Variants in CCDC38 observed in about 807,000 individuals in gnomAD.
CCDC38 encodes coiled-coil domain-containing protein 38.
A neutral mutation model predicts 72.8 loss-of-function variants in CCDC38; 69 were observed. The ratio of observed to expected loss-of-function variants is 0.95; its 90% CI spans 0.78 to 1.16. CCDC38 has a LOEUF of 1.16. Among genes scored for constraint, CCDC38 ranks in the 50% most tolerant of loss-of-function variants. The pLI, the probability that CCDC38 is intolerant of heterozygous loss-of-function variation, is 0.00. For missense variants in CCDC38, 626 were observed against 638.9 expected (o/e 0.98, Z 0.22); for synonymous variants, 201 against 213.2 (o/e 0.94, Z 0.50).
chr12:95,910,090 A>G (rs1312253603), intron 4 of CCDC38, among the ~76,000 whole-genome samples: 1 of 152,176 alleles, frequency 6.6e-6, no homozygotes, highest in Non-Finnish European at 1.5e-5. Flanking sequence ...GCATCCAAAT[A>G]GGAAAAGAGG....
chr12:95,910,642 G>A (rs368692783), intron 4 of CCDC38, among the ~76,000 whole-genome samples: 7 of 152,184 alleles, frequency 4.6e-5, no homozygotes, highest in Admixed American at 3.3e-4. Context: ...TGGGAGGATT[G>A]CTTGAGGCCA....
At chr12:95,919,081 A>T (rs879689823) in intron 2 of CCDC38, 105 bp from the exon 3 acceptor site, 127 of 710,500 alleles carry the variant, frequency 1.8e-4, no homozygotes, top group Non-Finnish European at 3.0e-4. Flanking sequence ...GGATGCAGGG[A>T]TCTCTGAGAA....
At chr12:95,867,632 C>T (rs144147894) in intron 15 of CCDC38, among the ~76,000 whole-genome samples, 1 of 152,182 alleles carries the variant, frequency 6.6e-6, no homozygotes, top group African/African-American at 2.4e-5. Context: ...GTCCAGAAAA[C>T]CATGTACCAT....
intron 2 of CCDC38, among the ~76,000 whole-genome samples, chr12:95,924,468 A>G (rs1407135102): frequency 7.2e-6 from 1 of 138,988 alleles, no homozygotes; most frequent in Admixed American, 7.3e-5. Context: ...GGTTGTGAAA[A>G]TTTTCTCCCA....
chr12:95,873,100 G>GT (rs1565941189), intron 13 of CCDC38, among the ~76,000 whole-genome samples: 1 of 151,958 alleles, frequency 6.6e-6, no homozygotes, highest in African/African-American at 2.4e-5. Context: ...ATTTTAAATC[G>GT]TTTTTTTGCC....
chr12:95,877,418 T>C (rs2079647329), intron 13 of CCDC38, among the ~76,000 whole-genome samples: 1 of 152,096 alleles, frequency 6.6e-6, no homozygotes, highest in Non-Finnish European at 1.5e-5. Context: ...ACTGTCTTCC[T>C]CCCCAGTTCA....
At chr12:95,920,556 A>G (rs142360221) in intron 2 of CCDC38, among the ~76,000 whole-genome samples, 1 of 152,240 alleles carries the variant, frequency 6.6e-6, no homozygotes, top group African/African-American at 2.4e-5. Context: ...ATGCTACAAC[A>G]TGGATGAACA....
intron 13 of CCDC38, 78 bp from the exon 14 acceptor site, chr12:95,872,538 A>G: frequency 2.2e-6 from 2 of 912,084 alleles, no homozygotes; most frequent in Non-Finnish European, 3.5e-6. Flanking sequence ...TATTACAGTA[A>G]AATCCCATGT....
intron 5 of CCDC38, among the ~76,000 whole-genome samples, chr12:95,904,914 T>C (rs1830618113): frequency 6.6e-6 from 1 of 152,216 alleles, no homozygotes; most frequent in Non-Finnish European, 1.5e-5. Context: ...AGACTCTTTC[T>C]GGACAAGGCC....
rs1436127 is a variant in CCDC38 at position 95,898,506 on chromosome 12, C to A, written c.534-41G>T. ...GATCTGTTAATTTGCTTCTTAGAAA[C>A]AAACAAACAAACAAACAAACAAAAG... On this transcript the variant is annotated intron_variant, in intron 6 of 15. Transcript: ENST00000344280. The A allele has an allele frequency of 0.018, 28,405 of 1,589,772 alleles. 835 individuals carry two copies. Among genetic ancestry groups the A allele is most frequent in the African/African-American group, 0.11 (7,896 of 74,122 alleles).
chr12:95,899,015 G>A (rs1396130851), intron 5 of CCDC38, among the ~76,000 whole-genome samples: 1 of 152,150 alleles, frequency 6.6e-6, no homozygotes, highest in Non-Finnish European at 1.5e-5. Flanking sequence ...GGTGCATCTG[G>A]TATTACCTAC....
intron 13 of CCDC38, among the ~76,000 whole-genome samples, chr12:95,877,369 T>G (rs1355065415): frequency 6.6e-6 from 1 of 152,136 alleles, no homozygotes; most frequent in Non-Finnish European, 1.5e-5. Context: ...TGGCAATAAT[T>G]TCCAGGCCTT....
At chr12:95,913,286 T>C (rs1565959633) in intron 4 of CCDC38, among the ~76,000 whole-genome samples, 1 of 152,138 alleles carries the variant, frequency 6.6e-6, no homozygotes, top group Non-Finnish European at 1.5e-5. Context: ...CAGATTATGT[T>C]ATTGTTCCCA....
At chr12:95,932,694 A>G (rs766083968) in intron 2 of CCDC38, among the ~76,000 whole-genome samples, 8 of 152,204 alleles carry the variant, frequency 5.3e-5, no homozygotes, top group Non-Finnish European at 8.8e-5. Flanking sequence ...AAAAATGCCA[A>G]TTCTCCACGA....
intron 10 of CCDC38, among the ~76,000 whole-genome samples, chr12:95,887,554 C>T (rs1898178): frequency 6.6e-6 from 1 of 152,054 alleles, no homozygotes; most frequent in Non-Finnish European, 1.5e-5. Flanking sequence ...TGGAATAACA[C>T]AATCATAGAA....
At chr12:95,915,331 G>A (rs2080133449) in intron 4 of CCDC38, among the ~76,000 whole-genome samples, 1 of 152,194 alleles carries the variant, frequency 6.6e-6, no homozygotes, top group Admixed American at 6.5e-5. Flanking sequence ...CAGCTTGAGA[G>A]ATCTGAGGAC....
At chr12:95,919,765 C>G in intron 2 of CCDC38, 1 of 383,394 alleles carries the variant, frequency 2.6e-6, no homozygotes, top group South Asian at 1.9e-5. Flanking sequence ...GCAACAGATA[C>G]AGCCACTACC....
At chr12:95,936,700 A>C (rs998762917) in intron 1 of CCDC38, among the ~76,000 whole-genome samples, 177 bp from the exon 2 acceptor site, 1 of 152,208 alleles carries the variant, frequency 6.6e-6, no homozygotes, top group Middle Eastern at 3.2e-3. Context: ...GAAAATAATC[A>C]GACAAGCAGC....
chr12:95,872,147 C>T, intron 14 of CCDC38, 108 bp downstream of exon 14: 1 of 950,780 alleles, frequency 1.1e-6, no homozygotes, highest in Non-Finnish European at 1.6e-6. Context: ...CATTCCTCCT[C>T]ACTGTGTCCC....
Sources: allele counts gnomAD v4.1 joint callset (sites outside exome capture counted in the v4.1 genomes callset), GRCh38; gene constraint gnomAD v4.1.1; transcripts MANE v1.5; gene names NCBI Gene and HGNC (gene_info 2026-07-23, HGNC 2026-07-21).